The following SPSB1 variants were observed in gnomAD, a reference collection of about 807,000 sequenced individuals.
The protein encoded by SPSB1 is splA/ryanodine receptor domain and SOCS box containing 1.
Under a neutral mutation model 21.2 loss-of-function variants are expected in SPSB1, and 8 were observed. The observed-to-expected ratio is 0.38, with a 90% CI of 0.22 to 0.68. SPSB1 has a LOEUF of 0.68. SPSB1 is among the 30% of genes least tolerant of loss of function. The pLI is 0.53. For synonymous variants in SPSB1, 169 were observed against 161.7 expected, an observed-to-expected ratio of 1.05 and a Z score of -0.34; for missense variants, 242 against 377.8, an observed-to-expected ratio of 0.64 and a Z score of 2.98.
chr1:9,342,324 G>T (rs189986847), intron 1 of SPSB1, among the ~76,000 whole-genome samples: 1 of 152,162 alleles, frequency 6.6e-6, no homozygotes, highest in Non-Finnish European at 1.5e-5. Flanking sequence ...AGAGGTTTGC[G>T]TAGTGACAAG....
intron 1 of SPSB1, among the ~76,000 whole-genome samples, chr1:9,316,722 C>G (rs1050618414): frequency 6.6e-6 from 1 of 152,228 alleles, no homozygotes; most frequent in Non-Finnish European, 1.5e-5. Flanking sequence ...GTCAGGACCA[C>G]GGCTGCTTCT....
intron 1 of SPSB1, among the ~76,000 whole-genome samples, chr1:9,336,740 C>T (rs942990571): frequency 6.6e-6 from 1 of 152,228 alleles, no homozygotes; most frequent in African/African-American, 2.4e-5. Flanking sequence ...GGCATAGTTG[C>T]TGTGTTCAGG....
rs531025739 is a variant in SPSB1, at chr1:9,324,965, C to A, written c.-149-30778C>A. ...GCCTGGCGGGCTGGTGGATCGGAGG[C>A]GCCTGTGAGCGGGTCAGTACTGGGT... On this transcript the variant is annotated intron_variant, in intron 1 of 2. Coordinates refer to ENST00000328089, the MANE Select transcript of SPSB1 (RefSeq NM_025106.4). The surrounding 1 kb of genome is among the most constrained non-coding windows in gnomAD (Gnocchi z 4.3). Among the ~76,000 whole-genome samples the A allele has an allele frequency of 2.0e-5, 3 of 152,162 alleles. No homozygotes were observed. The highest frequency in any genetic ancestry group is 2.9e-5 in the Non-Finnish European group (2 of 68,014).
chr1:9,349,698 G>A (rs1187117688), intron 1 of SPSB1, among the ~76,000 whole-genome samples: 1 of 152,258 alleles, frequency 6.6e-6, no homozygotes, highest in Non-Finnish European at 1.5e-5. Context: ...ATGAGATGCA[G>A]CTGTCTTCCG....
intron 1 of SPSB1, among the ~76,000 whole-genome samples, chr1:9,328,504 C>G (rs142749939): frequency 6.6e-6 from 1 of 152,184 alleles, no homozygotes; most frequent in Non-Finnish European, 1.5e-5. Context: ...AAGGCCACTT[C>G]GGGGGAAGAG....
At chr1:9,337,184 C>T (rs768500498) in intron 1 of SPSB1, among the ~76,000 whole-genome samples, 6 of 152,100 alleles carry the variant, frequency 3.9e-5, no homozygotes, top group African/African-American at 1.2e-4. Context: ...GTCCTAGAAA[C>T]GGTCCATTTA....
At chr1:9,336,388 G>A (rs764026402) in intron 1 of SPSB1, among the ~76,000 whole-genome samples, 1 of 152,004 alleles carries the variant, frequency 6.6e-6, no homozygotes, top group African/African-American at 2.4e-5. Flanking sequence ...CACTATGCCC[G>A]GCTAATTTTG....
intron 2 of SPSB1, among the ~76,000 whole-genome samples, chr1:9,361,730 G>T (rs1297215123): frequency 6.6e-6 from 1 of 152,258 alleles, no homozygotes; most frequent in Non-Finnish European, 1.5e-5. Flanking sequence ...TGCAGCCAGA[G>T]AGGCTGCTGT....
In SPSB1 at chr1:9,356,615, T is replaced by C; in HGVS notation, c.694+30T>C. 6.4e-7 allele frequency: 1 copy of C among 1,559,880 alleles called. No homozygotes were observed. On this transcript the variant is annotated intron_variant, in intron 2 of 2. Coordinates refer to ENST00000328089, the MANE Select transcript of SPSB1 (RefSeq NM_025106.4). This position sits in a 1 kb window ranked among gnomAD's most constrained non-coding sequence, Gnocchi z 7.4. ...GTGTCTCCTCTGCTGTCAGAGGCAATGCCCTCCCTCAGTCCCCATGGTCCT... is the reference window on the plus strand; with the variant it reads ...GTGTCTCCTCTGCTGTCAGAGGCAACGCCCTCCCTCAGTCCCCATGGTCCT...
chr1:9,295,980 A>G (rs553990510), intron 1 of SPSB1, among the ~76,000 whole-genome samples: 1 of 152,064 alleles, frequency 6.6e-6, no homozygotes, highest in Non-Finnish European at 1.5e-5. Flanking sequence ...ACACTAGATC[A>G]GTGAAATCCA....
chr1:9,299,104 A>G (rs1639273100), intron 1 of SPSB1, among the ~76,000 whole-genome samples: 1 of 152,196 alleles, frequency 6.6e-6, no homozygotes, highest in Admixed American at 6.5e-5. Flanking sequence ...ATTATTGTAA[A>G]CTTAACCAAG....
chr1:9,365,456 A>T (rs1159951128), intron 2 of SPSB1, among the ~76,000 whole-genome samples: 1 of 152,196 alleles, frequency 6.6e-6, no homozygotes, highest in Non-Finnish European at 1.5e-5. Flanking sequence ...TAGTAAATGC[A>T]TTATCAAGCC....
rs145706825 is a variant in SPSB1 at position 9,321,584 on chromosome 1, C to T, written c.-150+28513C>T. 1.1e-3 allele frequency among the ~76,000 whole-genome samples: 163 copies of T among 152,130 alleles called. 3 individuals are homozygous for T. Among genetic ancestry groups the T allele is most frequent in the East Asian group, 8.1e-3 (42 of 5,176 alleles). On this transcript the variant is annotated intron_variant, in intron 1 of 2. Transcript: ENST00000328089. This position sits in a 1 kb window ranked among gnomAD's most constrained non-coding sequence, Gnocchi z 4.8. Reference sequence around the variant, plus strand: ...AGACTGATGAGTCAGTGAGGGAGACCGATGCATAGGCAGCTCGCTAATGCT... The same window carrying T: ...AGACTGATGAGTCAGTGAGGGAGACTGATGCATAGGCAGCTCGCTAATGCT...
chr1:9,351,845 C>T (rs1288716169), intron 1 of SPSB1, among the ~76,000 whole-genome samples: 1 of 152,192 alleles, frequency 6.6e-6, no homozygotes, highest in African/African-American at 2.4e-5. Context: ...GATTGACCAC[C>T]TGGGAGGTGA....
In SPSB1 at chr1:9,305,036, G is replaced by T. The variant is rs1395343154; in HGVS notation, c.-150+11965G>T. On this transcript the variant is annotated intron_variant, in intron 1 of 2. Transcript: ENST00000328089. This position sits in a 1 kb window ranked among gnomAD's most constrained non-coding sequence, Gnocchi z 4.8. The stretch of plus-strand genomic sequence containing the variant: ...TCCCTGGGCTTCACCTGCCTCCTGC[G>T]CCCAGACCCATCTGGCATTGCCTTC... Among the ~76,000 whole-genome samples, 1 of 151,952 alleles carries T rather than the reference G, an allele frequency of 6.6e-6. No individual in the cohort carries two copies. Among genetic ancestry groups the T allele is most frequent in the Non-Finnish European group, 1.5e-5 (1 of 67,980 alleles).
In SPSB1 at chr1:9,324,531, G is replaced by A. The variant is rs1171827755; in HGVS notation, c.-149-31212G>A. 3.9e-5 allele frequency among the ~76,000 whole-genome samples: 6 copies of A among 152,154 alleles called. No individual in the cohort carries two copies. The highest frequency in any genetic ancestry group is 5.9e-5 in the Non-Finnish European group (4 of 68,024). ...TGTGGGCCCGGGACTCGGTGTGTCC[G>A]ATGAGGAAACCAGCTTGGGTGGGGA... On this transcript the variant is annotated intron_variant, in intron 1 of 2. Coordinates refer to ENST00000328089, the MANE Select transcript of SPSB1 (RefSeq NM_025106.4). This position sits in a 1 kb window ranked among gnomAD's most constrained non-coding sequence, Gnocchi z 4.3.
At chr1:9,295,379 C>T (rs932538291) in intron 1 of SPSB1, among the ~76,000 whole-genome samples, 2 of 152,174 alleles carry the variant, frequency 1.3e-5, no homozygotes, top group Non-Finnish European at 2.9e-5. Flanking sequence ...CAGACAGCCC[C>T]GAGCAGGGAG....
intron 2 of SPSB1, among the ~76,000 whole-genome samples, chr1:9,365,253 T>C (rs55669630): frequency 0.078 from 11,947 of 152,214 alleles, 611 homozygotes; most frequent in Non-Finnish European, 0.11. Context: ...GCCCAACCGA[T>C]CCTCTCGCCT....
intron 1 of SPSB1, 166 bp from the exon 2 acceptor site, chr1:9,355,577 G>A (rs919523399): frequency 8.8e-6 from 6 of 679,552 alleles, no homozygotes; most frequent in East Asian, 5.4e-5. Flanking sequence ...GCCAGGGAAC[G>A]GGGGATTTCA....
Sources: gnomAD v4.1 joint callset for allele counts (sites outside exome capture counted in the v4.1 genomes callset) on GRCh38, gnomAD v4.1.1 for gene constraint, Gnocchi (gnomAD v3.1) non-coding constraint, MANE v1.5 for transcripts, NCBI Gene and HGNC (gene_info 2026-07-23, HGNC 2026-07-21) for gene names.